The following VPS13B variants were observed in gnomAD, a reference collection of about 807,000 sequenced individuals.
VPS13B encodes the protein intermembrane lipid transfer protein VPS13B.
Under a neutral mutation model 426.4 loss-of-function variants are expected in VPS13B, and 285 were observed. The observed-to-expected ratio is 0.67, with a 90% CI of 0.61 to 0.74. VPS13B has a LOEUF of 0.74. Ranked by LOEUF, VPS13B falls within the 30% of genes least tolerant of loss-of-function variation. The pLI, the probability that VPS13B is intolerant of heterozygous loss-of-function variation, is 0.00. For missense variants in VPS13B, 4,537 were observed against 4,782.6 expected, an observed-to-expected ratio of 0.95 and a Z score of 1.51; for synonymous variants, 1,676 against 1,676.4, an observed-to-expected ratio of 1.00 and a Z score of 0.01.
chr8:99,111,534 G>A (rs1225655395), intron 6 of VPS13B, among the ~76,000 whole-genome samples: 1 of 151,354 alleles, frequency 6.6e-6, no homozygotes, highest in African/African-American at 2.4e-5. Context: ...CTGTTTATTA[G>A]TGTTTCTCTC....
chr8:99,207,864 C>T (rs946534795), intron 17 of VPS13B, among the ~76,000 whole-genome samples: 1 of 152,090 alleles, frequency 6.6e-6, no homozygotes. Context: ...ATGTAGTTTG[C>T]AATCTGTTCA....
intron 34 of VPS13B, among the ~76,000 whole-genome samples, chr8:99,646,001 G>A (rs542227515): frequency 6.6e-6 from 1 of 152,256 alleles, no homozygotes; most frequent in East Asian, 1.9e-4. Context: ...GGGGAGGGAA[G>A]CAGAGAGAGC....
At chr8:99,540,980 G>T (rs72674643) in intron 30 of VPS13B, among the ~76,000 whole-genome samples, 1 of 151,854 alleles carries the variant, frequency 6.6e-6, no homozygotes, top group East Asian at 1.9e-4. Context: ...CTTTTTAGTC[G>T]TTATTCTGCT....
chr8:99,644,732 A>G (rs186758963), intron 34 of VPS13B, among the ~76,000 whole-genome samples: 1 of 152,348 alleles, frequency 6.6e-6, no homozygotes, highest in East Asian at 1.9e-4. Context: ...AAAGTTATCA[A>G]TATGCATGAT....
chr8:99,419,476 T>A (rs1204462048), intron 21 of VPS13B, among the ~76,000 whole-genome samples: 1 of 152,198 alleles, frequency 6.6e-6, no homozygotes, highest in Non-Finnish European at 1.5e-5. Flanking sequence ...CTTTAAAAAA[T>A]GCTGCCTCTC....
At chr8:99,604,941 A>T (rs777994190) in intron 33 of VPS13B, among the ~76,000 whole-genome samples, 2 of 152,222 alleles carry the variant, frequency 1.3e-5, no homozygotes, top group Non-Finnish European at 2.9e-5. Flanking sequence ...TACGTGTTAT[A>T]AATAAAACAT....
At chr8:99,035,752 G>C (rs1394936952) in intron 2 of VPS13B, among the ~76,000 whole-genome samples, 1 of 152,148 alleles carries the variant, frequency 6.6e-6, no homozygotes, top group Non-Finnish European at 1.5e-5. Context: ...TCCATATTAT[G>C]TTCTGTAGCA....
chr8:99,445,912 T>A (rs1413792597), intron 23 of VPS13B, among the ~76,000 whole-genome samples: 1 of 152,244 alleles, frequency 6.6e-6, no homozygotes, highest in Non-Finnish European at 1.5e-5. Context: ...TGCCAGATAG[T>A]AAATATTTTG....
rs147342579 is a variant in VPS13B, at chr8:99,556,461, A to G, written c.4757A>G (p.Asn1586Ser). 5.3e-5 allele frequency: 86 copies of G among 1,612,618 alleles called. No homozygotes were observed. The African/African-American group carries it at 1.1e-3, about 21-fold the overall frequency. ...CGCTGCCTTTACAGGAGAGCCTTGA[A>G]CTTAGGAATTCTTCGAGATCCTGGA... ...LRKDIYQRALNLGILRDPGSE... is the reference protein window; with the variant it reads ...LRKDIYQRALSLGILRDPGSE... Residue 1586 changes from asparagine to serine, a missense_variant, in exon 31 of 62, where the codon AAC becomes AGC. Around this residue, in one of 2 missense-constraint regions of VPS13B, gnomAD observed 4,311 missense variants for 4,474.3 expected, o/e 0.96. Coordinates refer to ENST00000357162, the MANE Select transcript of VPS13B (RefSeq NM_152564.5).
chr8:99,559,234 C>T (rs1824759732), intron 31 of VPS13B, among the ~76,000 whole-genome samples: 1 of 152,322 alleles, frequency 6.6e-6, no homozygotes, highest in African/African-American at 2.4e-5. Context: ...ATATCCTTCA[C>T]CCACTTTTTG....
At chr8:99,400,920 T>C (rs1814999634) in intron 21 of VPS13B, among the ~76,000 whole-genome samples, 1 of 152,170 alleles carries the variant, frequency 6.6e-6, no homozygotes, top group African/African-American at 2.4e-5. Context: ...GATCCGTCCA[T>C]CTCGGCCTCC....
chr8:99,229,160 A>G (rs1239986242), intron 17 of VPS13B, among the ~76,000 whole-genome samples: 1 of 152,204 alleles, frequency 6.6e-6, no homozygotes, highest in Non-Finnish European at 1.5e-5. Flanking sequence ...GGTCGGGAAC[A>G]AGATTGGTTG....
intron 2 of VPS13B, among the ~76,000 whole-genome samples, chr8:99,019,358 G>A (rs938849036): frequency 1.3e-5 from 2 of 151,688 alleles, no homozygotes; most frequent in East Asian, 1.9e-4. Context: ...AGGTGCCCAC[G>A]ACAACACCCG....
chr8:99,524,349 CCTA>C (rs769504796), intron 30 of VPS13B, among the ~76,000 whole-genome samples: 14 of 152,052 alleles, frequency 9.2e-5, no homozygotes, highest in Non-Finnish European at 1.9e-4. Flanking sequence ...ACTTCTTAAA[CCTA>C]GAGAAAGATA....
intron 29 of VPS13B, 63 bp downstream of exon 29, chr8:99,511,575 C>T: frequency 1.3e-6 from 2 of 1,534,420 alleles, no homozygotes; most frequent in Non-Finnish European, 1.8e-6. Context: ...CCTTAGTTTT[C>T]TGGGTTTTTT....
At chr8:99,525,057 GAAA>G (rs1822573782) in intron 30 of VPS13B, among the ~76,000 whole-genome samples, 1 of 152,086 alleles carries the variant, frequency 6.6e-6, no homozygotes, top group Non-Finnish European at 1.5e-5. Flanking sequence ...CAATCTGAAA[GAAA>G]AAGACATTAA....
chr8:99,197,843 T>C (rs1005601130), intron 17 of VPS13B, among the ~76,000 whole-genome samples: 1 of 152,126 alleles, frequency 6.6e-6, no homozygotes, highest in African/African-American at 2.4e-5. Flanking sequence ...TTTAGGAACA[T>C]GTTGTTTAAT....
At chr8:99,267,973 A>T (rs1040337845) in intron 17 of VPS13B, among the ~76,000 whole-genome samples, 1 of 151,706 alleles carries the variant, frequency 6.6e-6, no homozygotes, top group Non-Finnish European at 1.5e-5. Context: ...CAGCCTTAGT[A>T]CTCTGTCCCC....
At position 99,623,435 on chromosome 8, in the gene VPS13B, C is replaced by T. The variant is rs113014612; in HGVS notation, c.5221-18376C>T. Among the ~76,000 whole-genome samples, 200 of 152,244 alleles carry T rather than the reference C, an allele frequency of 1.3e-3. 1 individual carries two copies. The highest frequency in any genetic ancestry group is 4.6e-3 in the African/African-American group (190 of 41,544). ...TATTTGTGACATTTCCCTACCTCCT[C>T]GTAATATAGGCTCCACAAGGAGAGT... On this transcript the variant is annotated intron_variant, in intron 33 of 61. Transcript: ENST00000357162.
Sources: allele counts gnomAD v4.1 joint callset (sites outside exome capture counted in the v4.1 genomes callset), GRCh38; gene constraint gnomAD v4.1.1; regional missense constraint gnomAD v4.1.1; transcripts MANE v1.5; gene names NCBI Gene and HGNC (gene_info 2026-07-23, HGNC 2026-07-21).